The following PRICKLE1 variants were observed in gnomAD, a reference collection of about 807,000 sequenced individuals.
PRICKLE1 encodes the protein prickle-like protein 1.
Under a neutral mutation model 70.2 loss-of-function variants are expected in PRICKLE1, and 14 were observed. The ratio of observed to expected loss-of-function variants is 0.20; its 90% confidence interval spans 0.13 to 0.31. The LOEUF (loss-of-function observed/expected upper bound fraction) is 0.31, where lower values mean the gene tolerates loss of function less well. Ranked by LOEUF, PRICKLE1 falls within the 10% of genes least tolerant of loss-of-function variation. The pLI, the probability that PRICKLE1 is intolerant of heterozygous loss-of-function variation, is 1.00. For missense variants in PRICKLE1, 821 were observed against 1,026.2 expected, an observed-to-expected ratio of 0.80 and a Z score of 2.73; for synonymous variants, 357 against 379.9, an observed-to-expected ratio of 0.94 and a Z score of 0.70.
intron 1 of PRICKLE1, among the ~76,000 whole-genome samples, chr12:42,482,500 G>A (rs1449483110): frequency 3.9e-5 from 6 of 152,094 alleles, no homozygotes. Context: ...ACAGTGGCCC[G>A]AGGAAACGGC....
chr12:42,464,779 G>T lies in PRICKLE1; in HGVS notation c.1255C>A (p.Leu419Ile). Residue 419 changes from leucine (L) to isoleucine (I), a missense_variant, in exon 7 of 8, where the codon CTC becomes ATC. Coordinates refer to ENST00000345127, the MANE Select transcript of PRICKLE1 (RefSeq NM_153026.3). This position sits in a 1 kb window ranked among gnomAD's most constrained non-coding sequence, Gnocchi z 4.2. Reference protein sequence around the residue: ...ADHEDYMTQLLLKFGDKSLFQ... With the variant: ...ADHEDYMTQLILKFGDKSLFQ... ...AGGCTTTTATCACCAAACTTGAGGA[G>T]GAGCTGCGTCATATAATCTTCATGA... 6.2e-7 allele frequency: 1 copy of T among 1,614,068 alleles called. No individual in the cohort carries two copies. Among genetic ancestry groups the T allele is most frequent in the Non-Finnish European group, 8.5e-7 (1 of 1,180,000 alleles).
At position 42,459,251 on chromosome 12, in the gene PRICKLE1, TTTTTG is replaced by T; in HGVS notation, c.*553_*557del. 3.3e-6 allele frequency: 2 copies of T among 599,144 alleles called. No individual in the cohort carries two copies. Among genetic ancestry groups the T allele is most frequent in the Admixed American group, 2.5e-5 (1 of 39,410 alleles). The allele number at this position is 599,144 out of a possible 1,614,324, so 37.1% of individuals were successfully genotyped here. ...AATACTAAGTTATAAATAGCAATGT[TTTTTG>T]TTTTTTTTTTTCAATCTGTAGCTGG... On this transcript the variant is annotated 3_prime_UTR_variant, in exon 8 of 8. Transcript: ENST00000345127.
At chr12:42,513,114 A>G (rs2120407702) in intron 1 of PRICKLE1, among the ~76,000 whole-genome samples, 1 of 152,178 alleles carries the variant, frequency 6.6e-6, no homozygotes, top group Admixed American at 6.5e-5. Flanking sequence ...GGCGCCTGCC[A>G]CCATGCCTGG....
At chr12:42,506,502 C>A (rs1414445153) in intron 1 of PRICKLE1, among the ~76,000 whole-genome samples, 1 of 151,264 alleles carries the variant, frequency 6.6e-6, no homozygotes, top group Non-Finnish European at 1.5e-5. Flanking sequence ...GGTGACCCAC[C>A]CACCTCGGCC....
chr12:42,507,786 G>A (rs942686517), intron 1 of PRICKLE1, among the ~76,000 whole-genome samples: 11 of 152,208 alleles, frequency 7.2e-5, no homozygotes, highest in African/African-American at 2.4e-4. Context: ...GATGACTATA[G>A]TCAGTCATGT....
chr12:42,466,390 G>T lies in PRICKLE1; in HGVS notation c.589-10C>A. ...CATCAGCAAAAATTATCTTCAAAAAGAAATGTGAAACCAGAGAATGAAAGA... is the reference window on the plus strand; with the variant it reads ...CATCAGCAAAAATTATCTTCAAAAATAAATGTGAAACCAGAGAATGAAAGA... On this transcript the variant is annotated splice_polypyrimidine_tract_variant and intron_variant, in intron 5 of 7. Coordinates refer to ENST00000345127, the MANE Select transcript of PRICKLE1 (RefSeq NM_153026.3). 1 of 1,613,292 alleles carries T rather than the reference G, an allele frequency of 6.2e-7. No homozygotes were observed. Among genetic ancestry groups the T allele is most frequent in the East Asian group, 2.2e-5 (1 of 44,874 alleles).
In PRICKLE1 at chr12:42,464,931, T is replaced by C. The variant is rs747305137; in HGVS notation, c.1103A>G (p.Asp368Gly). Residue 368 changes from aspartate (D) to glycine (G), a missense_variant, in exon 7 of 8, where the codon GAT (aspartate) becomes GGT (glycine). Transcript: ENST00000345127. The surrounding 1 kb of genome is among the most constrained non-coding windows in gnomAD (Gnocchi z 4.2). ...ATCCAATTTTCGAGAAAGGGTGTCA[T>C]CAGCATTGCCTGAGAGGCCAGGAAA... ...YKFPGLSGNA[D>G]DTLSRKLDDL... 6.2e-7 allele frequency: 1 copy of C among 1,614,064 alleles called. No homozygotes were observed. The highest frequency in any genetic ancestry group is 1.3e-5 in the African/African-American group (1 of 74,926).
At chr12:42,492,964 C>T (rs566420136) in intron 1 of PRICKLE1, among the ~76,000 whole-genome samples, 1 of 152,282 alleles carries the variant, frequency 6.6e-6, no homozygotes, top group Non-Finnish European at 1.5e-5. Context: ...CTAACTTGTT[C>T]ATATTTTATC....
intron 1 of PRICKLE1, among the ~76,000 whole-genome samples, chr12:42,558,511 C>T (rs1471714185): frequency 3.9e-5 from 6 of 152,200 alleles, no homozygotes; most frequent in Non-Finnish European, 8.8e-5. Context: ...AATTCCGATG[C>T]TGTTGTGGAA....
chr12:42,498,910 A>AAAC (rs1208297701), intron 1 of PRICKLE1, among the ~76,000 whole-genome samples: 1 of 152,196 alleles, frequency 6.6e-6, no homozygotes, highest in East Asian at 1.9e-4. Context: ...CTGAAGCCCC[A>AAAC]TCAGACCAAG....
chr12:42,537,773 T>C (rs11181547), intron 1 of PRICKLE1, among the ~76,000 whole-genome samples: 266 of 152,344 alleles, frequency 1.7e-3, no homozygotes, highest in Non-Finnish European at 3.2e-3. Context: ...TATCCCTTCC[T>C]GTGCTTTGGG....
chr12:42,558,805 G>A (rs1364373087), intron 1 of PRICKLE1, among the ~76,000 whole-genome samples: 2 of 152,146 alleles, frequency 1.3e-5, no homozygotes, highest in Admixed American at 6.6e-5. Flanking sequence ...CTCAGCAAAT[G>A]AGCACTACAA....
chr12:42,495,549 T>C (rs555404876), intron 1 of PRICKLE1, among the ~76,000 whole-genome samples: 1 of 152,104 alleles, frequency 6.6e-6, no homozygotes, highest in Non-Finnish European at 1.5e-5. Context: ...CTAATTCCAG[T>C]TCTCTTGATA....
chr12:42,476,924 A>G (rs1256351373), intron 1 of PRICKLE1, among the ~76,000 whole-genome samples: 3 of 151,574 alleles, frequency 2.0e-5, no homozygotes, highest in Non-Finnish European at 4.4e-5. Context: ...TGCTGGGATT[A>G]CAGGCGTGAG....
At chr12:42,564,100 T>C (rs910961639) in intron 1 of PRICKLE1, among the ~76,000 whole-genome samples, 3 of 150,416 alleles carry the variant, frequency 2.0e-5, no homozygotes, top group Non-Finnish European at 4.4e-5. Flanking sequence ...CTACTAAAAG[T>C]ACAAAAAAAT....
At chr12:42,554,127 CCAA>C (rs1221075287) in intron 1 of PRICKLE1, among the ~76,000 whole-genome samples, 1 of 152,072 alleles carries the variant, frequency 6.6e-6, no homozygotes, top group African/African-American at 2.4e-5. Flanking sequence ...AACAAACAAA[CCAA>C]CAACAACAAA....
At chr12:42,574,010 T>C (rs1015115418) in intron 1 of PRICKLE1, among the ~76,000 whole-genome samples, 1 of 152,126 alleles carries the variant, frequency 6.6e-6, no homozygotes, top group Non-Finnish European at 1.5e-5. Flanking sequence ...TTTCAAGCTG[T>C]GTTCAAGGAA....
chr12:42,472,439 A>G lies in PRICKLE1; in HGVS notation c.78T>C (p.Ser26=), dbSNP rs1385544492. ...CQRSSTSDDD[S]GCALEEYAWV... is the part of the protein sequence containing the mutation. ...AGGCGTACTCCTCCAATGCACAGCC[A>G]GAGTCATCATCTGATGTGGAACTTC... Residue 26 remains serine, a synonymous_variant, in exon 2 of 8, where the codon TCT becomes TCC. Coordinates refer to ENST00000345127, the MANE Select transcript of PRICKLE1 (RefSeq NM_153026.3). 1 of 1,614,086 alleles carries G rather than the reference A, an allele frequency of 6.2e-7. No individual in the cohort carries two copies. Among genetic ancestry groups the G allele is most frequent in the African/African-American group, 1.3e-5 (1 of 74,942 alleles).
intron 1 of PRICKLE1, among the ~76,000 whole-genome samples, chr12:42,478,616 GCCTA>G (rs1938666531): frequency 6.6e-6 from 1 of 152,030 alleles, no homozygotes; most frequent in African/African-American, 2.4e-5. Flanking sequence ...AAAACTAAAA[GCCTA>G]CTATCAGAGT....
Sources: gnomAD v4.1 joint callset for allele counts (sites outside exome capture counted in the v4.1 genomes callset) on GRCh38, gnomAD v4.1.1 for gene constraint, Gnocchi (gnomAD v3.1) non-coding constraint, MANE v1.5 for transcripts, NCBI Gene and HGNC (gene_info 2026-07-23, HGNC 2026-07-21) for gene names.